LSAMP: variants seen among roughly 807,000 people sequenced by gnomAD.
LSAMP encodes limbic system associated membrane protein.
Under a neutral mutation model 38.6 loss-of-function variants are expected in LSAMP, and 7 were observed. The ratio of observed to expected loss-of-function variants is 0.18; its 90% CI spans 0.10 to 0.34. The LOEUF (loss-of-function observed/expected upper bound fraction) is 0.34, where lower values mean the gene tolerates loss of function less well. LSAMP is among the 10% of genes least tolerant of loss of function. LSAMP has a pLI of 1.00. For synonymous variants in LSAMP, 154 were observed against 166.8 expected (o/e 0.92, Z 0.59); for missense variants, 313 against 420.0 (o/e 0.75, Z 2.23).
At chr3:116,248,700 C>A (rs1359710977) in intron 1 of LSAMP, among the ~76,000 whole-genome samples, 1 of 152,040 alleles carries the variant, frequency 6.6e-6, no homozygotes, top group Non-Finnish European at 1.5e-5. Flanking sequence ...GCCTTCATCT[C>A]TCCCCTTTCC....
At chr3:116,067,484 A>G (rs925533513) in intron 2 of LSAMP, among the ~76,000 whole-genome samples, 1 of 152,206 alleles carries the variant, frequency 6.6e-6, no homozygotes, top group African/African-American at 2.4e-5. Flanking sequence ...TAAATATGCA[A>G]ATCATAGATG....
intron 1 of LSAMP, among the ~76,000 whole-genome samples, chr3:116,343,671 A>G (rs568299367): frequency 2.0e-5 from 3 of 152,074 alleles, no homozygotes; most frequent in Non-Finnish European, 4.4e-5. Flanking sequence ...TTGATTATTA[A>G]TGGCTAAACA....
chr3:116,224,287 C>T (rs1385823965), intron 1 of LSAMP, among the ~76,000 whole-genome samples: 3 of 152,218 alleles, frequency 2.0e-5, no homozygotes, highest in South Asian at 4.1e-4. Flanking sequence ...ACCCAAGAAT[C>T]CTCAAGCATT....
intron 1 of LSAMP, among the ~76,000 whole-genome samples, chr3:116,426,324 T>TA (rs1441615540): frequency 2.6e-5 from 4 of 151,786 alleles, no homozygotes; most frequent in Non-Finnish European, 5.9e-5. Context: ...CCATCTCTAC[T>TA]AAAAATACAA....
intron 1 of LSAMP, among the ~76,000 whole-genome samples, chr3:116,167,866 C>G (rs529730821): frequency 1.1e-3 from 161 of 152,210 alleles, no homozygotes; most frequent in Non-Finnish European, 2.0e-3. Flanking sequence ...GAAAGCTGAG[C>G]AGGAACAGAG....
chr3:116,266,816 A>C (rs948469371), intron 1 of LSAMP, among the ~76,000 whole-genome samples: 1 of 152,186 alleles, frequency 6.6e-6, no homozygotes, highest in Admixed American at 6.6e-5. Flanking sequence ...TGTGAGAAAA[A>C]ATATTACAAA....
chr3:116,190,387 C>T (rs1050167774), intron 1 of LSAMP, among the ~76,000 whole-genome samples: 5 of 152,222 alleles, frequency 3.3e-5, no homozygotes, highest in East Asian at 1.9e-4. Context: ...TAGAGTGCTA[C>T]ACTCAGAAGG....
intron 1 of LSAMP, among the ~76,000 whole-genome samples, chr3:116,351,200 A>G (rs2048134670): frequency 6.6e-6 from 1 of 152,048 alleles, no homozygotes; most frequent in African/African-American, 2.4e-5. Context: ...AAAGAGCTGC[A>G]TTGCTGAGAG....
At chr3:116,367,726 C>T (rs1249980016) in intron 1 of LSAMP, among the ~76,000 whole-genome samples, 2 of 151,878 alleles carry the variant, frequency 1.3e-5, no homozygotes, top group Admixed American at 6.6e-5. Context: ...CCAGGCTGGT[C>T]TCGAACTCCT....
At chr3:115,980,726 C>T (rs977521654) in intron 3 of LSAMP, among the ~76,000 whole-genome samples, 2 of 152,116 alleles carry the variant, frequency 1.3e-5, no homozygotes, top group African/African-American at 4.8e-5. Context: ...GACCTTGGTC[C>T]TATGACTTCA....
rs570501573 is a variant in LSAMP, at chr3:116,249,467, CCT to C, written c.156-162913_156-162912del. On this transcript the variant is annotated intron_variant, in intron 1 of 6. Coordinates refer to ENST00000490035, the MANE Select transcript of LSAMP (RefSeq NM_002338.5). ...GTGGCGCAATCTCAGCTCGCTACAA[CCT>C]CTGTCTCCTAACTTTGAGCGATTCT... Among the ~76,000 whole-genome samples the C allele has an allele frequency of 3.2e-3, 481 of 151,904 alleles. 6 individuals are homozygous for C. Among genetic ancestry groups the C allele is most frequent in the African/African-American group, 0.011 (460 of 41,430 alleles).
chr3:116,106,480 G>A (rs978086917), intron 1 of LSAMP, among the ~76,000 whole-genome samples: 5 of 152,188 alleles, frequency 3.3e-5, no homozygotes, highest in African/African-American at 1.2e-4. Flanking sequence ...GCATTCTGAG[G>A]ACAGGTCTGA....
chr3:115,894,983 T>TGAATA (rs10626429), intron 3 of LSAMP, among the ~76,000 whole-genome samples: 131,153 of 151,496 alleles, frequency 0.87, 57,060 homozygotes, highest in African/African-American at 0.94. Flanking sequence ...CAAATGCGGA[T>TGAATA]GAATAGAGAA....
chr3:116,172,988 C>A (rs1473425945), intron 1 of LSAMP, among the ~76,000 whole-genome samples: 1 of 151,928 alleles, frequency 6.6e-6, no homozygotes, highest in Non-Finnish European at 1.5e-5. Flanking sequence ...AAATAAAACA[C>A]AGAGCTGAGT....
intron 1 of LSAMP, among the ~76,000 whole-genome samples, chr3:116,307,357 A>G (rs898400439): frequency 1.3e-5 from 2 of 152,044 alleles, no homozygotes; most frequent in African/African-American, 2.4e-5. Flanking sequence ...CTAATTTGCA[A>G]TACTTTAAAA....
At chr3:116,106,729 C>G (rs909123408) in intron 1 of LSAMP, among the ~76,000 whole-genome samples, 1 of 152,064 alleles carries the variant, frequency 6.6e-6, no homozygotes, top group African/African-American at 2.4e-5. Flanking sequence ...GTGGCCTTCT[C>G]AGACCGTGTA....
chr3:116,239,299 T>G (rs1339482123), intron 1 of LSAMP, among the ~76,000 whole-genome samples: 2 of 152,174 alleles, frequency 1.3e-5, no homozygotes, highest in Non-Finnish European at 2.9e-5. Flanking sequence ...TAAAGTTCAC[T>G]TACTAAGCTA....
intron 1 of LSAMP, among the ~76,000 whole-genome samples, chr3:116,319,302 T>C (rs2047675943): frequency 6.6e-6 from 1 of 152,204 alleles, no homozygotes; most frequent in Non-Finnish European, 1.5e-5. Context: ...GAAAGCAGTG[T>C]TTTGTCAGCT....
At chr3:116,210,824 A>T (rs879546905) in intron 1 of LSAMP, among the ~76,000 whole-genome samples, 108 of 152,228 alleles carry the variant, frequency 7.1e-4, no homozygotes, top group Non-Finnish European at 5.0e-4. Flanking sequence ...ACAGATAATT[A>T]AAAAAGCAGT....
Sources: gnomAD v4.1 joint callset for allele counts (sites outside exome capture counted in the v4.1 genomes callset) on GRCh38, gnomAD v4.1.1 for gene constraint, MANE v1.5 for transcripts, NCBI Gene and HGNC (gene_info 2026-07-23, HGNC 2026-07-21) for gene names.